The following GRIK1 variants were observed in gnomAD, a reference collection of about 807,000 sequenced individuals.
GRIK1 encodes glutamate ionotropic receptor kainate type subunit 1, also known as glutamate receptor ionotropic, kainate 1.
Under a neutral mutation model 105.7 loss-of-function variants are expected in GRIK1, and 69 were observed. The ratio of observed to expected loss-of-function variants is 0.65; its 90% CI spans 0.54 to 0.80. The LOEUF (loss-of-function observed/expected upper bound fraction) is 0.80, where lower values mean the gene tolerates loss of function less well. Ranked by LOEUF, GRIK1 falls within the 30% of genes least tolerant of loss-of-function variation. The pLI, the probability that GRIK1 is intolerant of heterozygous loss-of-function variation, is 0.00. For missense variants in GRIK1, 1,109 were observed against 1,167.3 expected, an observed-to-expected ratio of 0.95 and a Z score of 0.73; for synonymous variants, 438 against 431.3, an observed-to-expected ratio of 1.02 and a Z score of -0.19.
At chr21:29,929,736 A>G (rs1403977745) in intron 1 of GRIK1, among the ~76,000 whole-genome samples, 1 of 152,218 alleles carries the variant, frequency 6.6e-6, no homozygotes, top group Non-Finnish European at 1.5e-5. Context: ...AATTAGTACA[A>G]TCATTATGGA....
intron 1 of GRIK1, among the ~76,000 whole-genome samples, chr21:29,766,523 G>A (rs912174115): frequency 6.6e-6 from 1 of 152,128 alleles, no homozygotes; most frequent in Non-Finnish European, 1.5e-5. Context: ...TGGTTGAGAG[G>A]CCTGCAAAGC....
chr21:29,749,138 T>C (rs556198698), intron 1 of GRIK1: 5 of 152,316 alleles, frequency 3.3e-5, no homozygotes, highest in African/African-American at 1.2e-4. Flanking sequence ...CCTAAACATA[T>C]TTTTAAGGTG....
At chr21:29,589,098 C>T (rs1463374170) in intron 10 of GRIK1, 56 bp from the exon 11 acceptor site, 2 of 939,412 alleles carry the variant, frequency 2.1e-6, no homozygotes, top group East Asian at 2.4e-5. Context: ...AAGAGTTTAC[C>T]CTATCAGCAG....
chr21:29,931,381 T>C (rs974222584), intron 1 of GRIK1, among the ~76,000 whole-genome samples: 3 of 152,160 alleles, frequency 2.0e-5, no homozygotes, highest in African/African-American at 7.2e-5. Flanking sequence ...TTGTCTGATA[T>C]TTTCTCATTA....
chr21:29,591,056 G>T, intron 10 of GRIK1, 56 bp downstream of exon 10: 1 of 935,344 alleles, frequency 1.1e-6, no homozygotes, highest in Non-Finnish European at 1.8e-6. Flanking sequence ...GGAATGCTTC[G>T]AAGTCTAAGG....
At chr21:29,558,381 C>CAG (rs1403633413) in intron 15 of GRIK1, among the ~76,000 whole-genome samples, 8 of 150,524 alleles carry the variant, frequency 5.3e-5, no homozygotes, top group African/African-American at 1.7e-4. Flanking sequence ...ATATTTCACA[C>CAG]ACACACACAC....
chr21:29,891,579 G>T (rs1176237739), intron 1 of GRIK1, among the ~76,000 whole-genome samples: 1 of 152,098 alleles, frequency 6.6e-6, no homozygotes, highest in Non-Finnish European at 1.5e-5. Flanking sequence ...GTGACCATCT[G>T]TTCTTACTAT....
At chr21:29,894,322 A>G (rs777403859) in intron 1 of GRIK1, among the ~76,000 whole-genome samples, 29 of 152,254 alleles carry the variant, frequency 1.9e-4, no homozygotes, top group Non-Finnish European at 4.0e-4. Flanking sequence ...TACAGCCTTC[A>G]ATCTGTAGTC....
intron 16 of GRIK1, among the ~76,000 whole-genome samples, chr21:29,551,428 C>A (rs188782099): frequency 1.1e-4 from 17 of 152,282 alleles, no homozygotes; most frequent in Non-Finnish European, 1.8e-4. Context: ...GAACCTGAAT[C>A]TAAGTTTGGC....
rs1005632676 is a variant in GRIK1, at chr21:29,576,668, T to C, written c.2130+296A>G. 2.0e-5 allele frequency among the ~76,000 whole-genome samples: 3 copies of C among 152,214 alleles called. No individual in the cohort carries two copies. In the East Asian group the frequency reaches 5.8e-4, roughly 29 times the overall value. ...AGTGGTTAGATTGTATTCAGATTTT[T>C]TTTTTCTGGTGTAAAGGCAAGAGAG... On this transcript the variant is annotated intron_variant, in intron 14 of 17. Coordinates refer to ENST00000327783, the MANE Select transcript of GRIK1 (RefSeq NM_001330994.2).
chr21:29,743,736 T>C (rs2064984857), intron 1 of GRIK1, among the ~76,000 whole-genome samples: 1 of 152,124 alleles, frequency 6.6e-6, no homozygotes, highest in Non-Finnish European at 1.5e-5. Flanking sequence ...TTTTGTTTTA[T>C]TTTGAGCAAT....
chr21:29,914,832 C>A (rs1359244679), intron 1 of GRIK1, among the ~76,000 whole-genome samples: 2 of 151,974 alleles, frequency 1.3e-5, no homozygotes, highest in Non-Finnish European at 1.5e-5. Flanking sequence ...AAAAAATAAG[C>A]CCTTGTGGCT....
chr21:29,913,849 T>C (rs2070903992), intron 1 of GRIK1, among the ~76,000 whole-genome samples: 2 of 151,950 alleles, frequency 1.3e-5, no homozygotes, highest in Non-Finnish European at 2.9e-5. Context: ...GTTACACATA[T>C]ACATAAAATT....
chr21:29,684,323 CTATT>C (rs568467682), intron 3 of GRIK1, among the ~76,000 whole-genome samples: 45 of 152,068 alleles, frequency 3.0e-4, no homozygotes, highest in African/African-American at 1.1e-3. Flanking sequence ...TATCATATAT[CTATT>C]TAGCTGTCAA....
intron 1 of GRIK1, among the ~76,000 whole-genome samples, chr21:29,829,778 T>C (rs1836005676): frequency 6.6e-6 from 1 of 152,188 alleles, no homozygotes; most frequent in South Asian, 2.1e-4. Flanking sequence ...CCTTTCATTC[T>C]GCTGTGTCTG....
At chr21:29,789,374 C>T (rs966958366) in intron 1 of GRIK1, among the ~76,000 whole-genome samples, 1 of 150,204 alleles carries the variant, frequency 6.7e-6, no homozygotes, top group African/African-American at 2.4e-5. Context: ...CACTCTTCAC[C>T]ACAGGACCCT....
chr21:29,766,491 A>C (rs759046972), intron 1 of GRIK1, among the ~76,000 whole-genome samples: 80 of 152,282 alleles, frequency 5.3e-4, no homozygotes, highest in Non-Finnish European at 7.8e-4. Flanking sequence ...CCATCTCTTC[A>C]AGCCAGAAAA....
intron 1 of GRIK1, among the ~76,000 whole-genome samples, chr21:29,773,443 T>C (rs1208289797): frequency 3.3e-5 from 5 of 152,180 alleles, no homozygotes; most frequent in African/African-American, 1.2e-4. Context: ...GTTTTCTGCT[T>C]GTCTACTGGA....
chr21:29,864,281 C>T (rs545382642), intron 1 of GRIK1, among the ~76,000 whole-genome samples: 5 of 152,164 alleles, frequency 3.3e-5, no homozygotes, highest in African/African-American at 1.2e-4. Flanking sequence ...CTTTTCTTGG[C>T]CACAAAAAGT....
Sources: gnomAD v4.1 joint callset for allele counts (sites outside exome capture counted in the v4.1 genomes callset) on GRCh38, gnomAD v4.1.1 for gene constraint, MANE v1.5 for transcripts, NCBI Gene and HGNC (gene_info 2026-07-23, HGNC 2026-07-21) for gene names.